Variants in KCNQ1 observed in about 807,000 individuals in gnomAD.
The protein encoded by KCNQ1 is potassium voltage-gated channel subfamily Q member 1.
A neutral mutation model predicts 72.4 loss-of-function variants in KCNQ1; 49 were observed. That is an observed-to-expected ratio of 0.68 (90% CI 0.54 to 0.86). The LOEUF is 0.86. KCNQ1 is among the 40% of genes least tolerant of loss of function. The pLI, the probability that KCNQ1 is intolerant of heterozygous loss-of-function variation, is 0.00. For missense variants in KCNQ1, 790 were observed against 945.1 expected, an observed-to-expected ratio of 0.84 and a Z score of 2.15; for synonymous variants, 450 against 412.6, an observed-to-expected ratio of 1.09 and a Z score of -1.10.
Position 2,769,770 on chromosome 11 carries a change from C to T in KCNQ1, c.1590+851C>T, listed in dbSNP as rs568379076. Among the ~76,000 whole-genome samples the T allele has an allele frequency of 3.9e-5, 6 of 152,184 alleles. No homozygotes were observed. Among genetic ancestry groups the T allele is most frequent in the African/African-American group, 1.2e-4 (5 of 41,528 alleles). On this transcript the variant is annotated intron_variant, in intron 12 of 15. Coordinates refer to ENST00000155840, the MANE Select transcript of KCNQ1 (RefSeq NM_000218.3). The surrounding 1 kb of genome is among the most constrained non-coding windows in gnomAD (Gnocchi z 4.6). ...GTCCCTTGGAGCGGGGGGCGTGTGA[C>T]GTGCTTGAGTGAGTGCGTGTCTGCA...
chr11:2,848,692 C>T lies in KCNQ1; in HGVS notation c.*689C>T. The T allele has an allele frequency of 2.2e-6, 1 of 450,422 alleles. No individual in the cohort carries two copies. The allele number at this position is 450,422 out of a possible 1,614,324, so 27.9% of individuals were successfully genotyped here. A position where few individuals can be genotyped will look rare whatever the true frequency, so the allele number is the denominator to read the frequency against. The stretch of plus-strand genomic sequence containing the variant: ...GGGTTAGACTGCCAGCTCTTCCTAG[C>T]TGGAGAGGAGCCCTGCCTCTCCGCC... On this transcript the variant is annotated 3_prime_UTR_variant, in exon 16 of 16. Coordinates refer to ENST00000155840, the MANE Select transcript of KCNQ1 (RefSeq NM_000218.3).
chr11:2,650,720 A>G, intron 10 of KCNQ1: 3 of 398,686 alleles, frequency 7.5e-6, no homozygotes, highest in Non-Finnish European at 1.3e-5. Context: ...GCAGGGGACT[A>G]GAATGCTATT....
At chr11:2,836,276 G>T (rs1195723854) in intron 15 of KCNQ1, among the ~76,000 whole-genome samples, 1 of 152,192 alleles carries the variant, frequency 6.6e-6, no homozygotes, top group East Asian at 1.9e-4. Flanking sequence ...GGAAAGCAGG[G>T]AGAAGGGTCT....
intron 15 of KCNQ1, among the ~76,000 whole-genome samples, chr11:2,804,557 T>C (rs906257983): frequency 6.6e-6 from 1 of 152,186 alleles, no homozygotes; most frequent in African/African-American, 2.4e-5. Context: ...GTGGAGAGCA[T>C]CACTGAAATT....
chr11:2,461,085 C>T (rs1589892326), intron 1 of KCNQ1, among the ~76,000 whole-genome samples: 2 of 152,170 alleles, frequency 1.3e-5, no homozygotes, highest in Non-Finnish European at 2.9e-5. Flanking sequence ...TGGCTGGGGG[C>T]AGCCTGGGGT....
rs1564879901 is a variant in KCNQ1, at chr11:2,746,800, CGCCAGCATTTG to C, written c.1515-22041_1515-22031del. 6.6e-6 allele frequency among the ~76,000 whole-genome samples: 1 copy of C among 152,182 alleles called. No individual in the cohort carries two copies. ...CCCCTTTGCAGACTGTCCTTGGACCCGCCAGCATTTGGCTCTGGGGCCCTAGAGAGACCCTG... is the reference window on the plus strand; with the variant it reads ...CCCCTTTGCAGACTGTCCTTGGACCCGCTCTGGGGCCCTAGAGAGACCCTG... On this transcript the variant is annotated intron_variant, in intron 11 of 15. Transcript: ENST00000155840. The surrounding 1 kb of genome is among the most constrained non-coding windows in gnomAD (Gnocchi z 5.9).
rs1847946952 is a variant in KCNQ1, at chr11:2,549,478, C to A, written c.478-21150C>A. Among the ~76,000 whole-genome samples, 1 of 152,178 alleles carries A rather than the reference C, an allele frequency of 6.6e-6. No homozygotes were observed. Among genetic ancestry groups the A allele is most frequent in the Non-Finnish European group, 1.5e-5 (1 of 68,032 alleles). ...GCGATGGAACCCAGAAGACATGGGG[C>A]CCTCGAGGAGGGTCCCCCGGGGGCT... On this transcript the variant is annotated intron_variant, in intron 2 of 15. Coordinates refer to ENST00000155840, the MANE Select transcript of KCNQ1 (RefSeq NM_000218.3). This position sits in a 1 kb window ranked among gnomAD's most constrained non-coding sequence, Gnocchi z 6.2.
chr11:2,477,917 C>T lies in KCNQ1; in HGVS notation c.386+32433C>T, dbSNP rs1846595692. On this transcript the variant is annotated intron_variant, in intron 1 of 15. Transcript: ENST00000155840. This position sits in a 1 kb window ranked among gnomAD's most constrained non-coding sequence, Gnocchi z 5.0. Reference sequence around the variant, plus strand: ...AGGGCTGGAAGGCCATCAAGGAAACCCCGTGGCAGGGGCAGGGGTTCAAAG... The same window carrying T: ...AGGGCTGGAAGGCCATCAAGGAAACTCCGTGGCAGGGGCAGGGGTTCAAAG... Among the ~76,000 whole-genome samples the T allele has an allele frequency of 6.6e-6, 1 of 152,058 alleles. No homozygotes were observed. Among genetic ancestry groups the T allele is most frequent in the Non-Finnish European group, 1.5e-5 (1 of 68,010 alleles).
rs1433580481 is a variant in KCNQ1 at position 2,828,642 on chromosome 11, G to A, written c.1795-19125G>A. On this transcript the variant is annotated intron_variant, in intron 15 of 15. Coordinates refer to ENST00000155840, the MANE Select transcript of KCNQ1 (RefSeq NM_000218.3). This position sits in a 1 kb window ranked among gnomAD's most constrained non-coding sequence, Gnocchi z 5.3. ...GATTCTCAAGCTCAGCTAGAGACAGGTTGAGTCTCCAGAAAAGCTGAGCCT... is the reference window on the plus strand; with the variant it reads ...GATTCTCAAGCTCAGCTAGAGACAGATTGAGTCTCCAGAAAAGCTGAGCCT... Among the ~76,000 whole-genome samples the A allele has an allele frequency of 6.6e-6, 1 of 152,186 alleles. No individual in the cohort carries two copies. Among genetic ancestry groups the A allele is most frequent in the Non-Finnish European group, 1.5e-5 (1 of 68,030 alleles).
rs975643367 is a variant in KCNQ1 at position 2,457,702 on chromosome 11, C to T, written c.386+12218C>T. Among the ~76,000 whole-genome samples, 2 of 151,790 alleles carry T rather than the reference C, an allele frequency of 1.3e-5. No homozygotes were observed. The highest frequency in any genetic ancestry group is 1.3e-4 in the Admixed American group (2 of 15,238). On this transcript the variant is annotated intron_variant, in intron 1 of 15. Transcript: ENST00000155840. This position sits in a 1 kb window ranked among gnomAD's most constrained non-coding sequence, Gnocchi z 5.0. Reference sequence around the variant, plus strand: ...GTGCGCACTACGTGGGAGACCGGATCGTTTGTACTCCAAACCTCAGCATCA... The same window carrying T: ...GTGCGCACTACGTGGGAGACCGGATTGTTTGTACTCCAAACCTCAGCATCA...
chr11:2,663,560 G>A lies in KCNQ1; in HGVS notation c.1514+1479G>A. ...GGGGACTGTCCCTTCTCATCCTTCT[G>A]GCTGCTTGCTTCTCCTGTTGGAGCT... is the stretch of plus-strand genomic sequence containing the variant. On this transcript the variant is annotated intron_variant, in intron 11 of 15. Transcript: ENST00000155840. This position sits in a 1 kb window ranked among gnomAD's most constrained non-coding sequence, Gnocchi z 5.2. 1 of 398,542 alleles carries A rather than the reference G, an allele frequency of 2.5e-6. No individual in the cohort carries two copies. The highest frequency in any genetic ancestry group is 4.4e-6 in the Non-Finnish European group (1 of 226,070). The allele number at this position is 398,542 out of a possible 1,614,324, so 24.7% of individuals were successfully genotyped here. A position where few individuals can be genotyped will look rare whatever the true frequency, so the allele number is the denominator to read the frequency against.
chr11:2,668,293 T>A lies in KCNQ1; in HGVS notation c.1514+6212T>A, dbSNP rs570633262. 10 of 398,538 alleles carry A rather than the reference T, an allele frequency of 2.5e-5. No individual in the cohort carries two copies. Among genetic ancestry groups the A allele is most frequent in the Non-Finnish European group, 4.4e-5 (10 of 226,096 alleles). The allele number at this position is 398,538 out of a possible 1,614,324, so 24.7% of individuals were successfully genotyped here. A position where few individuals can be genotyped will look rare whatever the true frequency, so the allele number is the denominator to read the frequency against. On this transcript the variant is annotated intron_variant, in intron 11 of 15. Transcript: ENST00000155840. This position sits in a 1 kb window ranked among gnomAD's most constrained non-coding sequence, Gnocchi z 4.3. ...ATTCTGTACATGCTTTTGGTGAGCA[T>A]CAGGTTGCGTTTCTGGGGAATATAT...
chr11:2,582,548 G>A (rs1056759824), intron 6 of KCNQ1, among the ~76,000 whole-genome samples: 3 of 152,208 alleles, frequency 2.0e-5, no homozygotes, highest in Non-Finnish European at 2.9e-5. Context: ...GGTAAATGCT[G>A]TGCTGTCCTG....
intron 15 of KCNQ1, among the ~76,000 whole-genome samples, chr11:2,797,879 G>A (rs548968898): frequency 1.4e-4 from 22 of 152,108 alleles, no homozygotes; most frequent in Non-Finnish European, 2.4e-4. Context: ...TCTTCCCTTT[G>A]GGCACCTGCC....
Position 2,815,337 on chromosome 11 carries a change from G to A in KCNQ1, c.1795-32430G>A, listed in dbSNP as rs1358451200. ...ACAGCAGGGACCCCACTGGACCTCT[G>A]TGCTTTCTGGTGGGGGGCTTGTCAG... On this transcript the variant is annotated intron_variant, in intron 15 of 15. Coordinates refer to ENST00000155840, the MANE Select transcript of KCNQ1 (RefSeq NM_000218.3). The surrounding 1 kb of genome is among the most constrained non-coding windows in gnomAD (Gnocchi z 5.4). 6.6e-6 allele frequency among the ~76,000 whole-genome samples: 1 copy of A among 152,170 alleles called. No homozygotes were observed. Among genetic ancestry groups the A allele is most frequent in the Non-Finnish European group, 1.5e-5 (1 of 68,024 alleles).
chr11:2,657,795 C>A lies in KCNQ1; in HGVS notation c.1394-4166C>A. ...CTTGACACTTTTGAAGAATACCAGTCAGGTGTCATTGTCCCTCAGTTTGGA... is the reference window on the plus strand; with the variant it reads ...CTTGACACTTTTGAAGAATACCAGTAAGGTGTCATTGTCCCTCAGTTTGGA... On this transcript the variant is annotated intron_variant, in intron 10 of 15. Coordinates refer to ENST00000155840, the MANE Select transcript of KCNQ1 (RefSeq NM_000218.3). This position sits in a 1 kb window ranked among gnomAD's most constrained non-coding sequence, Gnocchi z 4.8. 2.5e-6 allele frequency: 1 copy of A among 398,570 alleles called. No individual in the cohort carries two copies. The highest frequency in any genetic ancestry group is 1.3e-4 in the South Asian group (1 of 7,836). 24.7% of individuals were successfully genotyped at this position (398,570 alleles called of 1,614,324 possible).
chr11:2,589,124 G>A (rs1168041892), intron 10 of KCNQ1, among the ~76,000 whole-genome samples: 1 of 152,224 alleles, frequency 6.6e-6, no homozygotes. Flanking sequence ...CGGCTGTACT[G>A]AGGGAAGGGT....
chr11:2,756,979 A>C (rs1477158390), intron 11 of KCNQ1, among the ~76,000 whole-genome samples: 1 of 135,506 alleles, frequency 7.4e-6, no homozygotes, highest in East Asian at 2.3e-4. Context: ...AAAAAAAAAA[A>C]AACCCACAGC....
In KCNQ1 at chr11:2,541,593, G is replaced by A. The variant is rs1360396977; in HGVS notation, c.477+13575G>A. Among the ~76,000 whole-genome samples, 3 of 151,982 alleles carry A rather than the reference G, an allele frequency of 2.0e-5. No individual in the cohort carries two copies. Among genetic ancestry groups the A allele is most frequent in the Admixed American group, 1.3e-4 (2 of 15,272 alleles). ...ACAAAGCCATGGGGACGCCGTTTTC[G>A]GGATGCTTGTGAGCAGGGCTTTGTC... On this transcript the variant is annotated intron_variant, in intron 2 of 15. Transcript: ENST00000155840. This position sits in a 1 kb window ranked among gnomAD's most constrained non-coding sequence, Gnocchi z 4.8.
Sources: gnomAD v4.1 joint callset for allele counts (sites outside exome capture counted in the v4.1 genomes callset) on GRCh38, gnomAD v4.1.1 for gene constraint, Gnocchi (gnomAD v3.1) non-coding constraint, MANE v1.5 for transcripts, NCBI Gene and HGNC (gene_info 2026-07-23, HGNC 2026-07-21) for gene names.